RIN2: variants seen among roughly 807,000 people sequenced by gnomAD.
RIN2 encodes the protein Ras and Rab interactor 2, also known as RAB5 interacting protein 2.
RIN2 carries 36 observed loss-of-function variants against 78.0 expected under a neutral mutation model. The ratio of observed to expected loss-of-function variants is 0.46; its 90% CI spans 0.35 to 0.61. The LOEUF is 0.61. RIN2 is among the 20% of genes least tolerant of loss of function. The probability of loss-of-function intolerance (pLI) is 0.00; values close to 1 mark genes in which losing one functional copy is unlikely to be tolerated. For synonymous variants in RIN2, 466 were observed against 466.8 expected (o/e 1.00, Z 0.02); for missense variants, 1,087 against 1,159.7 (o/e 0.94, Z 0.91).
At chr20:19,778,437 T>C (rs1415372288) in intron 1 of RIN2, among the ~76,000 whole-genome samples, 1 of 152,212 alleles carries the variant, frequency 6.6e-6, no homozygotes, top group Non-Finnish European at 1.5e-5. Context: ...TCTACTTTAT[T>C]TGGGGTACTC....
chr20:19,865,747 C>T (rs2037486784), intron 2 of RIN2, among the ~76,000 whole-genome samples: 1 of 152,022 alleles, frequency 6.6e-6, no homozygotes, highest in South Asian at 2.1e-4. Flanking sequence ...CTGCTTTGGC[C>T]TCCCAAAGTG....
chr20:19,999,782 T>C (rs546279230), intron 12 of RIN2, among the ~76,000 whole-genome samples: 1 of 152,170 alleles, frequency 6.6e-6, no homozygotes, highest in South Asian at 2.1e-4. Flanking sequence ...GCAAACGTCT[T>C]TGTTTAATTC....
chr20:19,851,046 GAAGGAGAAAGA>G (rs1568815072), intron 2 of RIN2, among the ~76,000 whole-genome samples: 31 of 60,392 alleles, frequency 5.1e-4, no homozygotes, highest in African/African-American at 9.0e-4. Flanking sequence ...AGGAAGGAAG[GAAGGAGAAAGA>G]AAGGAAGGAA....
intron 1 of RIN2, among the ~76,000 whole-genome samples, chr20:19,798,722 A>C (rs1425360661): frequency 6.6e-6 from 1 of 152,114 alleles, no homozygotes; most frequent in Non-Finnish European, 1.5e-5. Flanking sequence ...TTAAATTATA[A>C]AAATGCCCAC....
intron 2 of RIN2, among the ~76,000 whole-genome samples, chr20:19,853,800 T>C (rs1268106466): frequency 6.6e-6 from 1 of 152,226 alleles, no homozygotes; most frequent in Non-Finnish European, 1.5e-5. Context: ...GATGAGTAGA[T>C]TGCAAAAATT....
chr20:19,886,687 T>A, intron 2 of RIN2: 3 of 1,540,024 alleles, frequency 1.9e-6, no homozygotes, highest in Non-Finnish European at 2.6e-6. Context: ...ACTCATTTTC[T>A]CAAGAATCCA....
Position 19,988,733 on chromosome 20 carries a change from C to T in RIN2, c.1763-1273C>T, listed in dbSNP as rs572657859. 2.2e-4 allele frequency among the ~76,000 whole-genome samples: 33 copies of T among 152,314 alleles called. No individual in the cohort carries two copies. The South Asian group carries it at 5.6e-3, about 26-fold the overall frequency. On this transcript the variant is annotated intron_variant, in intron 9 of 12. Transcript: ENST00000255006. ...ACGCCTCCCACACCCAAAGGTGTTT[C>T]CTAACTCGGAACAGAAACACATTTC... is the stretch of plus-strand genomic sequence containing the variant.
At chr20:19,810,521 T>C (rs1568772765) in intron 2 of RIN2, among the ~76,000 whole-genome samples, 1 of 152,074 alleles carries the variant, frequency 6.6e-6, no homozygotes, top group Non-Finnish European at 1.5e-5. Context: ...TTGATTCTGT[T>C]TTCCCTTTAG....
chr20:19,779,618 C>G (rs1389608619), intron 1 of RIN2, among the ~76,000 whole-genome samples: 12 of 152,196 alleles, frequency 7.9e-5, no homozygotes, highest in Non-Finnish European at 1.5e-5. Flanking sequence ...CCGTGCTTGT[C>G]AAATTGTAGC....
intron 9 of RIN2, among the ~76,000 whole-genome samples, chr20:19,981,613 T>A (rs2042456693): frequency 6.6e-6 from 1 of 152,228 alleles, no homozygotes; most frequent in African/African-American, 2.4e-5. Context: ...ATGGATTCCC[T>A]ACATCAAATA....
chr20:19,802,928 A>G (rs558642098), intron 2 of RIN2, among the ~76,000 whole-genome samples: 2 of 152,200 alleles, frequency 1.3e-5, no homozygotes, highest in Admixed American at 6.5e-5. Flanking sequence ...AAGGAGCACA[A>G]CCTGACCAGC....
At chr20:19,907,564 A>G (rs2039271883) in intron 3 of RIN2, among the ~76,000 whole-genome samples, 1 of 152,232 alleles carries the variant, frequency 6.6e-6, no homozygotes, top group Admixed American at 6.5e-5. Context: ...AAGGAAGGAA[A>G]TTCCAAGGAA....
intron 3 of RIN2, among the ~76,000 whole-genome samples, chr20:19,912,173 A>G (rs1320592321): frequency 1.3e-5 from 2 of 152,378 alleles, no homozygotes; most frequent in Middle Eastern, 3.4e-3. Flanking sequence ...AACTGGACCC[A>G]GACAAGTTTC....
intron 3 of RIN2, among the ~76,000 whole-genome samples, chr20:19,926,008 G>A (rs116736560): frequency 0.016 from 2,510 of 152,314 alleles, 71 homozygotes; most frequent in African/African-American, 0.056. Flanking sequence ...GTGGAAAACC[G>A]TTCCCACTTA....
intron 3 of RIN2, among the ~76,000 whole-genome samples, chr20:19,919,576 C>T (rs767849038): frequency 2.0e-5 from 3 of 152,026 alleles, no homozygotes; most frequent in South Asian, 2.1e-4. Flanking sequence ...GAGATCAAGG[C>T]GGGCAGATCA....
intron 2 of RIN2, among the ~76,000 whole-genome samples, chr20:19,833,206 C>A (rs567655264): frequency 1.3e-5 from 2 of 152,140 alleles, no homozygotes; most frequent in South Asian, 2.1e-4. Context: ...CAATGATAGT[C>A]ATCTCCTGAT....
At chr20:19,969,644 C>G (rs1206303903) in intron 7 of RIN2, among the ~76,000 whole-genome samples, 1 of 152,206 alleles carries the variant, frequency 6.6e-6, no homozygotes, top group Non-Finnish European at 1.5e-5. Context: ...CAGGCAGGAA[C>G]TTCCGTCTGT....
At chr20:19,914,065 C>A (rs940875284) in intron 3 of RIN2, among the ~76,000 whole-genome samples, 3 of 152,148 alleles carry the variant, frequency 2.0e-5, no homozygotes, top group African/African-American at 7.2e-5. Flanking sequence ...CCAGAGTTTG[C>A]GGTCTAGGAG....
chr20:19,961,959 G>A (rs1156991464), intron 6 of RIN2, among the ~76,000 whole-genome samples: 3 of 152,256 alleles, frequency 2.0e-5, no homozygotes, highest in Non-Finnish European at 4.4e-5. Context: ...AATTGATAAT[G>A]AATTTATATT....
Sources: allele counts gnomAD v4.1 joint callset (sites outside exome capture counted in the v4.1 genomes callset), GRCh38; gene constraint gnomAD v4.1.1; transcripts MANE v1.5; gene names NCBI Gene and HGNC (gene_info 2026-07-23, HGNC 2026-07-21).